Variants in ADGRG6 observed in about 807,000 individuals in gnomAD.
ADGRG6 encodes the protein adhesion G protein-coupled receptor G6.
A neutral mutation model predicts 142.4 loss-of-function variants in ADGRG6; 84 were observed. That is an observed-to-expected ratio of 0.59 (90% CI 0.49 to 0.71). ADGRG6 has a LOEUF of 0.71. Among genes scored for constraint, ADGRG6 ranks in the 30% least tolerant of loss-of-function variants. The pLI, the probability that ADGRG6 is intolerant of heterozygous loss-of-function variation, is 0.00. For synonymous variants in ADGRG6, 521 were observed against 520.5 expected (o/e 1.00, Z -0.01); for missense variants, 1,367 against 1,466.6 (o/e 0.93, Z 1.11).
intron 2 of ADGRG6, among the ~76,000 whole-genome samples, chr6:142,327,986 G>C (rs1374769423): frequency 2.0e-5 from 3 of 151,812 alleles, no homozygotes; most frequent in Non-Finnish European, 2.9e-5. Flanking sequence ...AAAGGCAAAA[G>C]AATTATTTTT....
intron 3 of ADGRG6, among the ~76,000 whole-genome samples, chr6:142,368,968 C>G (rs1781085281): frequency 6.6e-6 from 1 of 152,050 alleles, no homozygotes; most frequent in Non-Finnish European, 1.5e-5. Flanking sequence ...TATTGTGTCT[C>G]TTTGCATAAG....
intron 18 of ADGRG6, among the ~76,000 whole-genome samples, chr6:142,413,195 T>C (rs1582652339): frequency 6.6e-6 from 1 of 150,612 alleles, no homozygotes; most frequent in African/African-American, 2.4e-5. Context: ...ACCAAGACTT[T>C]GTTAAGAGTT....
intron 2 of ADGRG6, among the ~76,000 whole-genome samples, chr6:142,340,195 A>C (rs1301139165): frequency 6.6e-6 from 1 of 152,170 alleles, no homozygotes; most frequent in African/African-American, 2.4e-5. Flanking sequence ...AAGTGTTGCT[A>C]TGCCGACTTA....
At chr6:142,419,527 C>T (rs967892998) in intron 21 of ADGRG6, among the ~76,000 whole-genome samples, 5 of 152,256 alleles carry the variant, frequency 3.3e-5, no homozygotes, top group East Asian at 1.9e-4. Context: ...TTAGACATGG[C>T]TTGGAACAAG....
At chr6:142,317,746 A>G (rs1778162626) in intron 2 of ADGRG6, among the ~76,000 whole-genome samples, 1 of 108,770 alleles carries the variant, frequency 9.2e-6, no homozygotes, top group Non-Finnish European at 1.7e-5. Flanking sequence ...TTTATATAAT[A>G]TATATTTATA....
intron 2 of ADGRG6, among the ~76,000 whole-genome samples, chr6:142,343,252 G>T (rs964902305): frequency 2.0e-5 from 3 of 151,410 alleles, no homozygotes; most frequent in Admixed American, 2.0e-4. Flanking sequence ...TATTTACTTG[G>T]TTAGGACAGA....
At chr6:142,348,221 G>C (rs1452617831) in intron 2 of ADGRG6, among the ~76,000 whole-genome samples, 1 of 152,206 alleles carries the variant, frequency 6.6e-6, no homozygotes, top group East Asian at 1.9e-4. Context: ...TATGTTCTAG[G>C]ACAGTATATT....
intron 2 of ADGRG6, among the ~76,000 whole-genome samples, chr6:142,330,411 C>G (rs1778994101): frequency 6.6e-6 from 1 of 151,998 alleles, no homozygotes; most frequent in Non-Finnish European, 1.5e-5. Flanking sequence ...TGATGTTATT[C>G]TCAGCCAAAC....
Position 142,302,276 on chromosome 6 carries a change from AGTG to A in ADGRG6, c.-49_-47del. ...TGGAGCAGCGGCAGCAGAGCGGGAA[AGTG>A]GTGGAGGATGATCTTGCGGCCAAAG... is the stretch of plus-strand genomic sequence containing the variant. On this transcript the variant is annotated 5_prime_UTR_variant, in exon 1 of 25. Coordinates refer to ENST00000367609, the MANE Select transcript of ADGRG6 (RefSeq NM_198569.3). 1 of 1,605,318 alleles carries A rather than the reference AGTG, an allele frequency of 6.2e-7. No individual in the cohort carries two copies.
At chr6:142,331,037 C>G (rs1779030941) in intron 2 of ADGRG6, among the ~76,000 whole-genome samples, 1 of 151,816 alleles carries the variant, frequency 6.6e-6, no homozygotes, top group African/African-American at 2.4e-5. Flanking sequence ...AAGTCACCGA[C>G]TGGGGCCCAG....
At chr6:142,435,425 G>C (rs145213939) in intron 22 of ADGRG6, among the ~76,000 whole-genome samples, 17 of 152,236 alleles carry the variant, frequency 1.1e-4, no homozygotes, top group Admixed American at 1.1e-3. Context: ...TTATTTGCAT[G>C]CTTTTCAGAA....
At chr6:142,390,812 C>T (rs959380773) in intron 7 of ADGRG6, among the ~76,000 whole-genome samples, 4 of 151,754 alleles carry the variant, frequency 2.6e-5, no homozygotes, top group Non-Finnish European at 3.0e-5. Flanking sequence ...TAGTTTTCTC[C>T]GCTTTTTTCC....
At chr6:142,306,963 A>G (rs1777530370) in intron 1 of ADGRG6, among the ~76,000 whole-genome samples, 1 of 152,122 alleles carries the variant, frequency 6.6e-6, no homozygotes. Flanking sequence ...CTGAAGTGAT[A>G]GAGTCTGGAG....
At position 142,415,976 on chromosome 6, in the gene ADGRG6, A is replaced by G. The variant is rs1419703377; in HGVS notation, c.2850A>G (p.Leu950=). ...FLLATFTWMG[L]EAIHMYIALV... is the part of the protein sequence containing the mutation. ...TGGCAACCTTTACCTGGATGGGGCT[A>G]GAAGCAATTCACATGTACATTGCTC... The change falls in exon 20 of 25, where the codon CTA becomes CTG. Residue 950 remains leucine, a synonymous_variant. Transcript: ENST00000367609. 2 of 1,612,436 alleles carry G rather than the reference A, an allele frequency of 1.2e-6. No homozygotes were observed. The highest frequency in any genetic ancestry group is 1.7e-5 in the Admixed American group (1 of 59,924).
Position 142,417,376 on chromosome 6 carries a change from A to G in ADGRG6, c.3035+7A>G, listed in dbSNP as rs781063538. On this transcript the variant is annotated splice_region_variant and intron_variant, in intron 21 of 24. Transcript: ENST00000367609. ...AAGAAAAAGGTGATGAATTGTAAGT[A>G]ATAAAAACTTTTTGTGATGAGTAGA... 2 of 1,350,652 alleles carry G rather than the reference A, an allele frequency of 1.5e-6. No homozygotes were observed. Among genetic ancestry groups the G allele is most frequent in the South Asian group, 2.4e-5 (2 of 82,426 alleles). 83.7% of individuals were successfully genotyped at this position (1,350,652 alleles called of 1,614,324 possible).
chr6:142,445,812 A>G lies in ADGRG6; in HGVS notation c.*2297A>G, dbSNP rs546133186. The G allele has an allele frequency of 5.3e-5, 8 of 152,276 alleles. No individual in the cohort carries two copies. The highest frequency in any genetic ancestry group is 7.4e-5 in the Non-Finnish European group (5 of 68,018). The allele number at this position is 152,276 out of a possible 1,614,324, so 9.4% of individuals were successfully genotyped here. On this transcript the variant is annotated 3_prime_UTR_variant, in exon 25 of 25. Transcript: ENST00000367609. Reference sequence around the variant, plus strand: ...CAGCTTACCTTTGAGAATAGCATCAATTCAGACTCTCTTTTCATTATGTTT... The same window carrying G: ...CAGCTTACCTTTGAGAATAGCATCAGTTCAGACTCTCTTTTCATTATGTTT...
At chr6:142,399,923 G>A (rs1775415590) in intron 10 of ADGRG6, among the ~76,000 whole-genome samples, 1 of 152,176 alleles carries the variant, frequency 6.6e-6, no homozygotes, top group Non-Finnish European at 1.5e-5. Flanking sequence ...CAAACAAAAA[G>A]TCAGATGATG....
chr6:142,390,988 A>G (rs955545035), intron 7 of ADGRG6, among the ~76,000 whole-genome samples: 1 of 151,766 alleles, frequency 6.6e-6, no homozygotes, highest in Non-Finnish European at 1.5e-5. Flanking sequence ...TTTTGAAAAA[A>G]CAATGCATAA....
intron 2 of ADGRG6, among the ~76,000 whole-genome samples, chr6:142,310,791 A>G (rs1177464105): frequency 6.6e-6 from 1 of 151,808 alleles, no homozygotes; most frequent in Non-Finnish European, 1.5e-5. Flanking sequence ...TTTCCTTATT[A>G]CTGTCATTAT....
Sources: allele counts gnomAD v4.1 joint callset (sites outside exome capture counted in the v4.1 genomes callset), GRCh38; gene constraint gnomAD v4.1.1; transcripts MANE v1.5; gene names NCBI Gene and HGNC (gene_info 2026-07-23, HGNC 2026-07-21).